PARD3B: variants seen among roughly 807,000 people sequenced by gnomAD.
PARD3B encodes par-3 family cell polarity regulator beta, also known as partitioning defective 3 homolog B.
In PARD3B, 103 loss-of-function variants were observed where a neutral mutation model predicts 130.2. The ratio of observed to expected loss-of-function variants is 0.79; its 90% confidence interval spans 0.67 to 0.93. The LOEUF (loss-of-function observed/expected upper bound fraction) is 0.93, where lower values mean the gene tolerates loss of function less well. Among genes scored for constraint, PARD3B ranks in the 40% least tolerant of loss-of-function variants. The pLI, the probability that PARD3B is intolerant of heterozygous loss-of-function variation, is 0.00. For synonymous variants in PARD3B, 583 were observed against 553.2 expected (o/e 1.05, Z -0.76); for missense variants, 1,609 against 1,499.2 (o/e 1.07, Z -1.21).
intron 2 of PARD3B, among the ~76,000 whole-genome samples, chr2:204,845,694 G>A (rs577471314): frequency 2.7e-4 from 41 of 152,076 alleles, no homozygotes; most frequent in Non-Finnish European, 4.9e-4. Flanking sequence ...CTCTACATAG[G>A]TTACAAGTGA....
At chr2:205,043,531 C>T (rs1015175004) in intron 3 of PARD3B, among the ~76,000 whole-genome samples, 1 of 152,158 alleles carries the variant, frequency 6.6e-6, no homozygotes, top group South Asian at 2.1e-4. Context: ...ACTGTCCTGA[C>T]ACATGACAGT....
intron 2 of PARD3B, among the ~76,000 whole-genome samples, chr2:204,859,164 C>A (rs1436210345): frequency 1.3e-5 from 2 of 151,622 alleles, no homozygotes; most frequent in South Asian, 2.1e-4. Flanking sequence ...TTTCTTTTTT[C>A]TTTTTCTTGA....
intron 1 of PARD3B, among the ~76,000 whole-genome samples, chr2:204,644,098 A>C (rs570330296): frequency 6.6e-6 from 1 of 152,270 alleles, no homozygotes; most frequent in East Asian, 1.9e-4. Flanking sequence ...TCCATTGGTA[A>C]CACATCTCAT....
intron 1 of PARD3B, among the ~76,000 whole-genome samples, chr2:204,655,286 C>T (rs2035604232): frequency 6.6e-6 from 1 of 152,174 alleles, no homozygotes; most frequent in Admixed American, 6.5e-5. Context: ...TCAGCTGATA[C>T]TGCTCCCTAA....
chr2:204,783,380 A>G (rs886913640), intron 2 of PARD3B, among the ~76,000 whole-genome samples: 1 of 152,092 alleles, frequency 6.6e-6, no homozygotes, highest in Non-Finnish European at 1.5e-5. Flanking sequence ...AGAGATCTTT[A>G]AAGTCGGTTC....
chr2:205,249,186 T>G (rs2039726556), intron 16 of PARD3B, among the ~76,000 whole-genome samples: 1 of 146,644 alleles, frequency 6.8e-6, no homozygotes, highest in East Asian at 2.0e-4. Context: ...TTTTTTTTTT[T>G]TTTTGTATTT....
chr2:204,743,559 G>A lies in PARD3B; in HGVS notation c.222+57277G>A, dbSNP rs1323106865. ...AACAAACTTATTTTATTGCTTTAATGGCGTTGTAAAAAATGGCAAGAACTT... is the reference window on the plus strand; with the variant it reads ...AACAAACTTATTTTATTGCTTTAATAGCGTTGTAAAAAATGGCAAGAACTT... On this transcript the variant is annotated intron_variant, in intron 2 of 22. Transcript: ENST00000406610. Among the ~76,000 whole-genome samples, 3 of 152,108 alleles carry A rather than the reference G, an allele frequency of 2.0e-5. No individual in the cohort carries two copies. In the East Asian group the frequency reaches 5.8e-4, roughly 29 times the overall value.
intron 3 of PARD3B, among the ~76,000 whole-genome samples, chr2:205,026,414 T>C (rs1383818184): frequency 6.6e-6 from 1 of 152,210 alleles, no homozygotes; most frequent in Non-Finnish European, 1.5e-5. Context: ...AAATAAAAAT[T>C]GTATAAATTA....
At chr2:205,112,561 T>C (rs906128297) in intron 5 of PARD3B, among the ~76,000 whole-genome samples, 3 of 152,156 alleles carry the variant, frequency 2.0e-5, no homozygotes, top group African/African-American at 7.2e-5. Flanking sequence ...GGAGACCGGC[T>C]TACAATTTCC....
At chr2:204,709,370 TG>T (rs2038329929) in intron 2 of PARD3B, among the ~76,000 whole-genome samples, 1 of 152,232 alleles carries the variant, frequency 6.6e-6, no homozygotes, top group Non-Finnish European at 1.5e-5. Context: ...GCCAGACTGC[TG>T]TGGAATTTCT....
At chr2:205,195,388 C>T (rs1021102679) in intron 15 of PARD3B, among the ~76,000 whole-genome samples, 1 of 152,124 alleles carries the variant, frequency 6.6e-6, no homozygotes, top group Non-Finnish European at 1.5e-5. Flanking sequence ...AATCATCAAA[C>T]TTTGCTCCTT....
chr2:205,366,942 G>A lies in PARD3B; in HGVS notation c.2631-34071G>A, dbSNP rs956205661. On this transcript the variant is annotated intron_variant, in intron 18 of 22. Coordinates refer to ENST00000406610, the MANE Select transcript of PARD3B (RefSeq NM_001302769.2). This position sits in a 1 kb window ranked among gnomAD's most constrained non-coding sequence, Gnocchi z 5.0. ...GCTGAATCATCACACTTAGGTCTGG[G>A]AAGCTGTAAAAACAAAACCTGTGCT... 2.0e-5 allele frequency among the ~76,000 whole-genome samples: 3 copies of A among 152,200 alleles called. No individual in the cohort carries two copies. Among genetic ancestry groups the A allele is most frequent in the African/African-American group, 7.2e-5 (3 of 41,442 alleles).
chr2:204,686,159 A>G (rs2037070081), intron 1 of PARD3B, 22 bp from the exon 2 acceptor site: 1 of 1,502,300 alleles, frequency 6.7e-7, no homozygotes, highest in African/African-American at 1.4e-5. Flanking sequence ...AGGTCATTAA[A>G]CTTGTGTTTG....
chr2:205,591,030 G>C lies in PARD3B; in HGVS notation c.3261-24426G>C, dbSNP rs534843311. 1.3e-5 allele frequency among the ~76,000 whole-genome samples: 2 copies of C among 152,222 alleles called. No individual in the cohort carries two copies. The highest frequency in any genetic ancestry group is 2.9e-5 in the Non-Finnish European group (2 of 68,010). ...TGCCCAACTTCCTTTGGGTTTGGCT[G>C]CATCTGTCCCTCACTTTAGAGCTCC... On this transcript the variant is annotated intron_variant, in intron 22 of 22. Coordinates refer to ENST00000406610, the MANE Select transcript of PARD3B (RefSeq NM_001302769.2). The surrounding 1 kb of genome is among the most constrained non-coding windows in gnomAD (Gnocchi z 4.2).
intron 1 of PARD3B, 125 bp from the exon 2 acceptor site, chr2:204,686,056 C>T: frequency 1.6e-6 from 1 of 638,594 alleles, no homozygotes; most frequent in Non-Finnish European, 2.7e-6. Flanking sequence ...CATTTGTTTT[C>T]AGTGTTTAAA....
At position 204,820,071 on chromosome 2, in the gene PARD3B, C is replaced by CTTTTTTTTTTTTTT. The variant is rs557143420; in HGVS notation, c.222+133797_222+133810dup. ...GAAGGTGGCTACATTAAACAATAGA[C>CTTTTTTTTTTTTTT]TTTTTTTTTTTTTTTTTTTTTGAGA... is the stretch of plus-strand genomic sequence containing the variant. On this transcript the variant is annotated intron_variant, in intron 2 of 22. Coordinates refer to ENST00000406610, the MANE Select transcript of PARD3B (RefSeq NM_001302769.2). Among the ~76,000 whole-genome samples the CTTTTTTTTTTTTTT allele has an allele frequency of 3.0e-3, 298 of 98,396 alleles. 44 individuals are homozygous for CTTTTTTTTTTTTTT. The highest frequency in any genetic ancestry group is 0.012 in the African/African-American group (280 of 22,424). The allele number at this position is 98,396 out of a possible 152,430, so 64.6% of individuals were successfully genotyped here.
intron 2 of PARD3B, among the ~76,000 whole-genome samples, chr2:204,865,171 G>A (rs959296110): frequency 2.0e-5 from 3 of 152,030 alleles, no homozygotes; most frequent in Non-Finnish European, 4.4e-5. Context: ...ACACTGTTGG[G>A]GAAAATGTGA....
intron 4 of PARD3B, among the ~76,000 whole-genome samples, chr2:205,080,963 G>C (rs1457665563): frequency 6.6e-6 from 1 of 151,776 alleles, no homozygotes; most frequent in Non-Finnish European, 1.5e-5. Flanking sequence ...TAATTGTATT[G>C]GATTTCATCC....
intron 18 of PARD3B, among the ~76,000 whole-genome samples, chr2:205,371,518 C>G (rs1389242307): frequency 6.6e-6 from 1 of 152,134 alleles, no homozygotes; most frequent in Non-Finnish European, 1.5e-5. Context: ...AAGTGGGCAT[C>G]AGAGGCTGTA....
Sources: allele counts gnomAD v4.1 joint callset (sites outside exome capture counted in the v4.1 genomes callset), GRCh38; gene constraint gnomAD v4.1.1; non-coding constraint Gnocchi (gnomAD v3.1); transcripts MANE v1.5; gene names NCBI Gene and HGNC (gene_info 2026-07-23, HGNC 2026-07-21).